The following TRAPPC8 variants were observed in gnomAD, a reference collection of about 807,000 sequenced individuals.
TRAPPC8 encodes general sporulation gene 1 homolog.
TRAPPC8 carries 54 observed loss-of-function variants against 174.3 expected under a neutral mutation model. The observed-to-expected ratio is 0.31, with a 90% CI of 0.25 to 0.39. The LOEUF (loss-of-function observed/expected upper bound fraction) is 0.39. Among genes scored for constraint, TRAPPC8 ranks in the 10% least tolerant of loss-of-function variants. TRAPPC8 has a pLI of 1.00. For synonymous variants in TRAPPC8, 630 were observed against 579.9 expected, an observed-to-expected ratio of 1.09 and a Z score of -1.24; for missense variants, 1,531 against 1,699.1, an observed-to-expected ratio of 0.90 and a Z score of 1.74.
intron 4 of TRAPPC8, among the ~76,000 whole-genome samples, chr18:31,913,901 G>A (rs563996545): frequency 2.0e-5 from 3 of 152,122 alleles, no homozygotes; most frequent in African/African-American, 7.2e-5. Flanking sequence ...GACTCAGCGT[G>A]GTGGCCATAA....
At chr18:31,939,216 C>G (rs2038228650) in intron 1 of TRAPPC8, among the ~76,000 whole-genome samples, 1 of 151,842 alleles carries the variant, frequency 6.6e-6, no homozygotes, top group Non-Finnish European at 1.5e-5. Flanking sequence ...AAAATTAAGT[C>G]CTCTTTGCCA....
At chr18:31,905,078 G>A (rs545406119) in intron 9 of TRAPPC8, among the ~76,000 whole-genome samples, 38 of 150,702 alleles carry the variant, frequency 2.5e-4, no homozygotes, top group South Asian at 8.4e-4. Flanking sequence ...GTTTTGCTGT[G>A]ATATTTATTT....
chr18:31,835,140 G>T (rs565162043), intron 27 of TRAPPC8, among the ~76,000 whole-genome samples: 1 of 152,058 alleles, frequency 6.6e-6, no homozygotes, highest in Non-Finnish European at 1.5e-5. Flanking sequence ...CAGTAACTCA[G>T]TACAGCGAGA....
intron 10 of TRAPPC8, among the ~76,000 whole-genome samples, chr18:31,899,409 T>C (rs2036316049): frequency 6.6e-6 from 1 of 152,188 alleles, no homozygotes; most frequent in Admixed American, 6.5e-5. Context: ...ATTATTATCT[T>C]ATTAATGATG....
At chr18:31,884,822 C>T (rs529418617) in intron 12 of TRAPPC8, among the ~76,000 whole-genome samples, 10 of 151,434 alleles carry the variant, frequency 6.6e-5, no homozygotes, top group African/African-American at 2.4e-4. Flanking sequence ...CGCTGGGCAA[C>T]ACAGTGAGAC....
In TRAPPC8 at chr18:31,924,738, CAAAAAAAAAAAA is replaced by C. The variant is rs398032376; in HGVS notation, c.352+6579_352+6590del. The stretch of plus-strand genomic sequence containing the variant: ...GGGCAACAACAGCGAAACTCCGTCT[CAAAAAAAAAAAA>C]AAAAAAAAAAAAATCCGCCTGAAGA... On this transcript the variant is annotated intron_variant, in intron 2 of 28. Coordinates refer to ENST00000283351, the MANE Select transcript of TRAPPC8 (RefSeq NM_014939.5). Among the ~76,000 whole-genome samples, 175 of 91,878 alleles carry C rather than the reference CAAAAAAAAAAAA, an allele frequency of 1.9e-3. 2 individuals are homozygous for C. Among genetic ancestry groups the C allele is most frequent in the African/African-American group, 6.9e-3 (159 of 23,102 alleles). The allele number at this position is 91,878 out of a possible 152,430, so 60.3% of individuals were successfully genotyped here. A position where few individuals can be genotyped will look rare whatever the true frequency, so the allele number is the denominator to read the frequency against.
At chr18:31,843,496 T>C (rs908432571) in intron 26 of TRAPPC8, among the ~76,000 whole-genome samples, 2 of 152,200 alleles carry the variant, frequency 1.3e-5, no homozygotes, top group Non-Finnish European at 2.9e-5. Context: ...TTAAAAGACA[T>C]GCTGATTATA....
intron 9 of TRAPPC8, among the ~76,000 whole-genome samples, chr18:31,903,107 C>T (rs1303732249): frequency 5.8e-5 from 8 of 137,526 alleles, no homozygotes; most frequent in South Asian, 4.5e-4. Context: ...TTTGATTGCG[C>T]GCGTGCGTGC....
chr18:31,898,965 C>T (rs761114095), intron 10 of TRAPPC8, among the ~76,000 whole-genome samples: 3 of 152,106 alleles, frequency 2.0e-5, no homozygotes, highest in Non-Finnish European at 4.4e-5. Flanking sequence ...CCATTCTAAA[C>T]GATGAACAGT....
At chr18:31,853,802 G>T (rs542560877) in intron 22 of TRAPPC8, 47 bp downstream of exon 22, 31 of 1,408,118 alleles carry the variant, frequency 2.2e-5, no homozygotes, top group Admixed American at 1.5e-4. Context: ...GGAAAACCAA[G>T]TAATGAAGTT....
At chr18:31,876,508 A>AAAAAAAAAAAAAAAAAAAAAAC (rs2035160053) in intron 12 of TRAPPC8, among the ~76,000 whole-genome samples, 1 of 149,814 alleles carries the variant, frequency 6.7e-6, no homozygotes, top group Non-Finnish European at 1.5e-5. Context: ...AAAAAAAAAA[A>AAAAAAAAAAAAAAAAAAAAAAC]AAAAGATCAC....
chr18:31,907,477 A>T lies in TRAPPC8; in HGVS notation c.1372T>A (p.Tyr458Asn). 6.2e-7 allele frequency: 1 copy of T among 1,604,188 alleles called. No individual in the cohort carries two copies. Among genetic ancestry groups the T allele is most frequent in the Non-Finnish European group, 8.5e-7 (1 of 1,174,124 alleles). The change falls in exon 9 of 29, where the codon TAT (tyrosine) becomes AAT (asparagine). Residue 458 changes from tyrosine (Y) to asparagine (N), a missense_variant. By Grantham distance (143) the Tyr-to-Asn change is moderately radical. Transcript: ENST00000283351. ...ATACCAACCAAGGCACCAGCTGCAT[A>T]AAGCATTGCTTGATCATTAAGAAAA... ...KDFLNDQAML[Y>N]AAGALEMAAV... is the part of the protein sequence containing the mutation.
intron 1 of TRAPPC8, among the ~76,000 whole-genome samples, chr18:31,939,926 T>C (rs1243953453): frequency 1.3e-5 from 2 of 152,112 alleles, no homozygotes; most frequent in Non-Finnish European, 2.9e-5. Context: ...CCCAGTCTCC[T>C]GAAGGAAATC....
chr18:31,902,797 T>TC (rs752156645), intron 9 of TRAPPC8, among the ~76,000 whole-genome samples: 6 of 151,932 alleles, frequency 3.9e-5, no homozygotes, highest in South Asian at 2.1e-4. Flanking sequence ...ACGCCTGTAA[T>TC]CCAGCACTTT....
intron 9 of TRAPPC8, among the ~76,000 whole-genome samples, chr18:31,906,511 T>C (rs2036666577): frequency 6.6e-6 from 1 of 151,608 alleles, no homozygotes; most frequent in Admixed American, 6.6e-5. Context: ...TAAAAAAAAG[T>C]ATCTACACAA....
intron 19 of TRAPPC8, among the ~76,000 whole-genome samples, chr18:31,860,015 C>CA (rs34008216): frequency 0.32 from 44,335 of 137,816 alleles, 7,015 homozygotes; most frequent in Middle Eastern, 0.43. Context: ...GACTCCGTCT[C>CA]AAAAAAAAAA....
intron 11 of TRAPPC8, 143 bp downstream of exon 11, chr18:31,897,643 T>C: frequency 2.0e-6 from 1 of 500,494 alleles, no homozygotes; most frequent in African/African-American, 2.0e-5. Flanking sequence ...AACAAAAAAC[T>C]AAAATAGCCA....
chr18:31,849,668 T>C lies in TRAPPC8; in HGVS notation c.3633A>G (p.Gln1211=). The change falls in exon 25 of 29, where the codon CAA becomes CAG. Residue 1211 remains glutamine, a synonymous_variant. Transcript: ENST00000283351. ...TTTCTGTATGCACAGGCAAGTGAGCTTGTGGTTTTTTCAATTCAGAAGATA... is the reference window on the plus strand; with the variant it reads ...TTTCTGTATGCACAGGCAAGTGAGCCTGTGGTTTTTTCAATTCAGAAGATA... ...RSLSSELKKP[Q]AHLPVHTEKQ... is the part of the protein sequence containing the mutation. 6.2e-7 allele frequency: 1 copy of C among 1,612,736 alleles called. No individual in the cohort carries two copies. Among genetic ancestry groups the C allele is most frequent in the Non-Finnish European group, 8.5e-7 (1 of 1,179,336 alleles).
intron 12 of TRAPPC8, among the ~76,000 whole-genome samples, chr18:31,886,027 TGGA>T (rs564909782): frequency 6.6e-6 from 1 of 150,390 alleles, no homozygotes; most frequent in Non-Finnish European, 1.5e-5. Context: ...TATTTTGAGA[TGGA>T]GTTTTGCTCT....
Sources: allele counts gnomAD v4.1 joint callset (sites outside exome capture counted in the v4.1 genomes callset), GRCh38; gene constraint gnomAD v4.1.1; transcripts MANE v1.5; gene names NCBI Gene and HGNC (gene_info 2026-07-23, HGNC 2026-07-21).